Variants in ZCCHC4 observed in about 807,000 individuals in gnomAD.
The protein encoded by ZCCHC4 is rRNA N(6)-adenosine-methyltransferase ZCCHC4.
Under a neutral mutation model 67.7 loss-of-function variants are expected in ZCCHC4, and 54 were observed. The ratio of observed to expected loss-of-function variants is 0.80; its 90% CI spans 0.64 to 1.00. ZCCHC4 has a LOEUF of 1.00. Among genes scored for constraint, ZCCHC4 ranks in the 50% least tolerant of loss-of-function variants. The probability of loss-of-function intolerance (pLI) is 0.00; values close to 1 mark genes in which losing one functional copy is unlikely to be tolerated. For synonymous variants in ZCCHC4, 198 were observed against 213.5 expected (o/e 0.93, Z 0.63); for missense variants, 609 against 617.0 (o/e 0.99, Z 0.14).
At chr4:25,347,506 A>G (rs1302623618) in intron 6 of ZCCHC4, among the ~76,000 whole-genome samples, 2 of 152,310 alleles carry the variant, frequency 1.3e-5, no homozygotes, top group East Asian at 3.9e-4. Context: ...TCTAAATAGC[A>G]CTGCAGCTGT....
chr4:25,340,392 A>G (rs1577745433), intron 5 of ZCCHC4, among the ~76,000 whole-genome samples: 1 of 152,148 alleles, frequency 6.6e-6, no homozygotes, highest in African/African-American at 2.4e-5. Flanking sequence ...AGTCATGATT[A>G]CTGTTGCTGT....
chr4:25,349,409 C>G, intron 6 of ZCCHC4, 83 bp from the exon 7 acceptor site: 1 of 1,350,346 alleles, frequency 7.4e-7, no homozygotes, highest in Non-Finnish European at 1.0e-6. Flanking sequence ...AAGAGAGAGA[C>G]TGAGTCTAAT....
chr4:25,350,483 G>A (rs1384153798), intron 7 of ZCCHC4, among the ~76,000 whole-genome samples: 1 of 152,114 alleles, frequency 6.6e-6, no homozygotes, highest in East Asian at 1.9e-4. Flanking sequence ...TGGCCAGGCT[G>A]GTCTTGAACT....
intron 3 of ZCCHC4, among the ~76,000 whole-genome samples, chr4:25,328,243 A>G (rs2109059500): frequency 6.6e-6 from 1 of 151,736 alleles, no homozygotes; most frequent in African/African-American, 2.4e-5. Flanking sequence ...TACAGAATCT[A>G]TCTTTTTTTT....
intron 3 of ZCCHC4, among the ~76,000 whole-genome samples, chr4:25,318,045 T>C (rs1699857645): frequency 6.6e-6 from 1 of 152,092 alleles, no homozygotes. Context: ...GAAAATAGAG[T>C]ATTGAAGACG....
At chr4:25,323,031 A>C (rs572867758) in intron 3 of ZCCHC4, among the ~76,000 whole-genome samples, 23 of 152,238 alleles carry the variant, frequency 1.5e-4, no homozygotes, top group Non-Finnish European at 3.4e-4. Flanking sequence ...CAAAAGGCAG[A>C]TAATGTTTGG....
At chr4:25,314,624 A>G (rs1214894617) in intron 2 of ZCCHC4, among the ~76,000 whole-genome samples, 1 of 152,120 alleles carries the variant, frequency 6.6e-6, no homozygotes, top group Non-Finnish European at 1.5e-5. Flanking sequence ...GAGAGGAAGC[A>G]AGCACTGTCT....
chr4:25,322,407 A>G (rs1195294947), intron 3 of ZCCHC4, among the ~76,000 whole-genome samples: 1 of 152,224 alleles, frequency 6.6e-6, no homozygotes, highest in Non-Finnish European at 1.5e-5. Flanking sequence ...TGCCTATTCT[A>G]GATGTTTCAT....
intron 12 of ZCCHC4, 91 bp downstream of exon 12, chr4:25,365,257 A>G (rs1195791468): frequency 1.7e-5 from 27 of 1,549,680 alleles, no homozygotes; most frequent in Non-Finnish European, 2.1e-5. Context: ...AGGATCTTGA[A>G]GTGCCAAGTT....
chr4:25,367,208 T>C (rs902145180), intron 12 of ZCCHC4, among the ~76,000 whole-genome samples: 1 of 152,176 alleles, frequency 6.6e-6, no homozygotes, highest in Non-Finnish European at 1.5e-5. Context: ...TGATGCTGGC[T>C]CCCTCTTGTG....
At chr4:25,337,060 C>T (rs1195310267) in intron 5 of ZCCHC4, among the ~76,000 whole-genome samples, 1 of 152,186 alleles carries the variant, frequency 6.6e-6, no homozygotes, top group Non-Finnish European at 1.5e-5. Flanking sequence ...TAGTCAGTTT[C>T]TTTCTTGTCA....
At chr4:25,364,399 T>C in intron 10 of ZCCHC4, 55 bp from the exon 11 acceptor site, 13 of 1,307,368 alleles carry the variant, frequency 9.9e-6, no homozygotes, top group Non-Finnish European at 1.3e-5. Flanking sequence ...ATTGTAGAAC[T>C]TGATTTTTAA....
intron 3 of ZCCHC4, among the ~76,000 whole-genome samples, chr4:25,323,992 T>C (rs1718718488): frequency 6.8e-6 from 1 of 147,374 alleles, no homozygotes; most frequent in South Asian, 2.1e-4. Context: ...AAGGTAATCG[T>C]ACAGTATGTA....
chr4:25,361,982 T>G lies in ZCCHC4; in HGVS notation c.1133+2T>G. 9.9e-6 allele frequency: 16 copies of G among 1,611,472 alleles called. No individual in the cohort carries two copies. Among genetic ancestry groups the G allele is most frequent in the Non-Finnish European group, 1.2e-5 (14 of 1,178,900 alleles). ...CCTTCCTACTGAAGAAGGGTACAGGTAAGATCACAGTGGAACTTTGAAGTA... is the reference window on the plus strand; with the variant it reads ...CCTTCCTACTGAAGAAGGGTACAGGGAAGATCACAGTGGAACTTTGAAGTA... On this transcript the variant is annotated splice_donor_variant, in intron 9 of 12. Transcript: ENST00000302874. LOFTEE classifies it high-confidence loss of function.
intron 8 of ZCCHC4, chr4:25,352,158 C>T: frequency 2.0e-6 from 2 of 985,686 alleles, no homozygotes; most frequent in Non-Finnish European, 2.4e-6. Context: ...TCAGGAGTGT[C>T]AGAGAAGGCA....
rs77110158 is a variant in ZCCHC4, at chr4:25,323,680, T to C, written c.329+8280T>C. 6.8e-3 allele frequency among the ~76,000 whole-genome samples: 1,029 copies of C among 152,320 alleles called. 10 individuals carry two copies. Among genetic ancestry groups the C allele is most frequent in the African/African-American group, 0.023 (966 of 41,570 alleles). On this transcript the variant is annotated intron_variant, in intron 3 of 12. Transcript: ENST00000302874. ...GGGCAACCAGGGATGTGTGGTCACC[T>C]TAGTGATATGGGGATCATTAGTGGA... is the stretch of plus-strand genomic sequence containing the variant.
rs368369900 is a variant in ZCCHC4 at position 25,364,437 on chromosome 4, GT to G, written c.1210-6del. 0.013 allele frequency: 13,770 copies of G among 1,073,770 alleles called. 1 individual carries two copies. Among genetic ancestry groups the G allele is most frequent in the South Asian group, 0.019 (990 of 51,460 alleles). The allele number at this position is 1,073,770 out of a possible 1,614,324, so 66.5% of individuals were successfully genotyped here. A position where few individuals can be genotyped will look rare whatever the true frequency, so the allele number is the denominator to read the frequency against. ...ACAAATTAATTATAATTTAAAAATT[GT>G]TTTTTTTTTTGGTAGGATGGCAGGA... On this transcript the variant is annotated splice_polypyrimidine_tract_variant and intron_variant, in intron 10 of 12. Transcript: ENST00000302874.
At chr4:25,357,652 C>T (rs1375169205) in intron 8 of ZCCHC4, among the ~76,000 whole-genome samples, 1 of 152,182 alleles carries the variant, frequency 6.6e-6, no homozygotes, top group Non-Finnish European at 1.5e-5. Context: ...TTGTGATTCA[C>T]TTATTAAATA....
chr4:25,314,179 T>C lies in ZCCHC4; in HGVS notation c.246+15T>C. 1 of 1,525,182 alleles carries C rather than the reference T, an allele frequency of 6.6e-7. No individual in the cohort carries two copies. Among genetic ancestry groups the C allele is most frequent in the Non-Finnish European group, 8.9e-7 (1 of 1,118,266 alleles). 94.5% of individuals were successfully genotyped at this position (1,525,182 alleles called of 1,614,324 possible). ...AAGATGAAAAGGTATATCAACTTTT[T>C]GGATATTTATTTTTTATTTTTGGTA... is the stretch of plus-strand genomic sequence containing the variant. On this transcript the variant is annotated intron_variant, in intron 2 of 12. Transcript: ENST00000302874.
Sources: gnomAD v4.1 joint callset for allele counts (sites outside exome capture counted in the v4.1 genomes callset) on GRCh38, gnomAD v4.1.1 for gene constraint, MANE v1.5 for transcripts, NCBI Gene and HGNC (gene_info 2026-07-23, HGNC 2026-07-21) for gene names.